The following CRPPA variants were observed in gnomAD, a reference collection of about 807,000 sequenced individuals.
CRPPA encodes D-ribitol-5-phosphate cytidylyltransferase.
A neutral mutation model predicts 52.0 loss-of-function variants in CRPPA; 43 were observed. That is an observed-to-expected ratio of 0.83 (90% CI 0.65 to 1.07). The LOEUF is 1.07. CRPPA is among the 50% of genes least tolerant of loss of function. The pLI is 0.00. For missense variants in CRPPA, 629 were observed against 551.7 expected (o/e 1.14, Z -1.40); for synonymous variants, 250 against 203.5 (o/e 1.23, Z -1.94).
chr7:16,388,092 G>A (rs1258025007), intron 2 of CRPPA, among the ~76,000 whole-genome samples: 2 of 152,060 alleles, frequency 1.3e-5, no homozygotes, highest in Admixed American at 1.3e-4. Flanking sequence ...CAAGCAACCT[G>A]CCAGCCTCAG....
intron 2 of CRPPA, among the ~76,000 whole-genome samples, chr7:16,401,043 G>GACTA (rs1787805208): frequency 6.6e-6 from 1 of 152,164 alleles, no homozygotes; most frequent in South Asian, 2.1e-4. Context: ...ATAGAGGCAT[G>GACTA]ACTAATTCAA....
intron 5 of CRPPA, among the ~76,000 whole-genome samples, chr7:16,301,057 C>A (rs1784780614): frequency 6.6e-6 from 1 of 152,112 alleles, no homozygotes; most frequent in South Asian, 2.1e-4. Context: ...ATCTAATGTA[C>A]CGACACGACA....
In CRPPA at chr7:16,273,531, C is replaced by T. The variant is rs975278728; in HGVS notation, c.933+4598G>A. Among the ~76,000 whole-genome samples, 9 of 152,014 alleles carry T rather than the reference C, an allele frequency of 5.9e-5. No homozygotes were observed. In the East Asian group the frequency reaches 7.8e-4, roughly 13 times the overall value. On this transcript the variant is annotated intron_variant, in intron 6 of 9. Coordinates refer to ENST00000407010, the MANE Select transcript of CRPPA (RefSeq NM_001101426.4). ...GGATAGCCAAACTCCAGGGGAAGAC[C>T]ACCTTTCCACTCCATCCCCTTTCCA...
chr7:16,142,950 A>C (rs562647987), intron 9 of CRPPA, among the ~76,000 whole-genome samples: 1 of 152,374 alleles, frequency 6.6e-6, no homozygotes, highest in African/African-American at 2.4e-5. Context: ...CAAGAACAAA[A>C]TAATTATAGT....
chr7:16,399,710 T>C (rs1029895043), intron 2 of CRPPA, among the ~76,000 whole-genome samples: 9 of 151,238 alleles, frequency 6.0e-5, no homozygotes, highest in East Asian at 5.8e-4. Flanking sequence ...GTGACCAACA[T>C]GACTGACATG....
At chr7:16,317,597 T>A (rs573411224) in intron 3 of CRPPA, among the ~76,000 whole-genome samples, 2 of 152,296 alleles carry the variant, frequency 1.3e-5, no homozygotes, top group Admixed American at 1.3e-4. Context: ...TTATTTCTTT[T>A]GTGGCTAAGT....
At chr7:16,140,015 G>A (rs895853443) in intron 9 of CRPPA, among the ~76,000 whole-genome samples, 1 of 151,100 alleles carries the variant, frequency 6.6e-6, no homozygotes, top group Admixed American at 6.6e-5. Flanking sequence ...TAATATTTCT[G>A]TTAAAAAAAA....
intron 8 of CRPPA, among the ~76,000 whole-genome samples, chr7:16,252,893 G>T (rs1783499820): frequency 6.6e-6 from 1 of 152,286 alleles, no homozygotes; most frequent in South Asian, 2.1e-4. Context: ...TATTTGAGTA[G>T]AGGTGTTCAT....
chr7:16,187,633 G>A (rs949307772), intron 9 of CRPPA, among the ~76,000 whole-genome samples: 3 of 152,136 alleles, frequency 2.0e-5, no homozygotes, highest in African/African-American at 7.2e-5. Flanking sequence ...TGTCCTGAAG[G>A]AAATAAAAAT....
chr7:16,408,125 A>AT (rs1371416711), intron 1 of CRPPA, among the ~76,000 whole-genome samples: 11 of 149,256 alleles, frequency 7.4e-5, no homozygotes, highest in South Asian at 6.3e-4. Context: ...AAAAAAATAA[A>AT]AAAATAACTT....
chr7:16,214,518 G>C (rs1245744728), intron 9 of CRPPA, among the ~76,000 whole-genome samples: 2 of 151,584 alleles, frequency 1.3e-5, no homozygotes, highest in African/African-American at 4.8e-5. Flanking sequence ...TTTTTTTTGA[G>C]ACAGGGCCTC....
intron 9 of CRPPA, among the ~76,000 whole-genome samples, chr7:16,205,469 T>C (rs1011938837): frequency 6.6e-6 from 1 of 152,216 alleles, no homozygotes; most frequent in African/African-American, 2.4e-5. Context: ...GTTGTGTTTA[T>C]GCAGTTGCTT....
chr7:16,184,908 A>T (rs950457801), intron 9 of CRPPA, among the ~76,000 whole-genome samples: 1 of 152,156 alleles, frequency 6.6e-6, no homozygotes, highest in Non-Finnish European at 1.5e-5. Flanking sequence ...ACATCAGCTT[A>T]TTTCACCATT....
intron 8 of CRPPA, among the ~76,000 whole-genome samples, chr7:16,251,827 C>G (rs1355422988): frequency 3.3e-5 from 5 of 151,996 alleles, no homozygotes; most frequent in African/African-American, 1.2e-4. Flanking sequence ...ACTAGAGGAG[C>G]AAGAGCAAAC....
intron 2 of CRPPA, among the ~76,000 whole-genome samples, chr7:16,397,811 C>A (rs537271731): frequency 1.3e-5 from 2 of 152,274 alleles, no homozygotes; most frequent in South Asian, 4.1e-4. Context: ...ACGTGTTTAA[C>A]ATGTGACTGA....
intron 8 of CRPPA, chr7:16,216,471 C>A (rs1308426129): frequency 6.6e-6 from 2 of 302,366 alleles, no homozygotes; most frequent in Non-Finnish European, 1.2e-5. Context: ...CTCCGGTCTA[C>A]AGCTCCCAGC....
At chr7:16,325,326 T>C (rs187379460) in intron 3 of CRPPA, among the ~76,000 whole-genome samples, 146 of 152,238 alleles carry the variant, frequency 9.6e-4, no homozygotes, top group African/African-American at 3.3e-3. Flanking sequence ...GATTAAGCAG[T>C]TGGGAAAATT....
At chr7:16,151,443 ACT>A (rs1783074319) in intron 9 of CRPPA, among the ~76,000 whole-genome samples, 1 of 152,086 alleles carries the variant, frequency 6.6e-6, no homozygotes, top group Non-Finnish European at 1.5e-5. Context: ...AAACAAAGGC[ACT>A]CTGTTCACAG....
intron 9 of CRPPA, among the ~76,000 whole-genome samples, chr7:16,132,060 C>T (rs184598645): frequency 1.4e-4 from 22 of 152,182 alleles, no homozygotes; most frequent in Non-Finnish European, 2.4e-4. Flanking sequence ...GTGGGAATAC[C>T]GAGAGCCTTG....
Sources: gnomAD v4.1 joint callset for allele counts (sites outside exome capture counted in the v4.1 genomes callset) on GRCh38, gnomAD v4.1.1 for gene constraint, MANE v1.5 for transcripts, NCBI Gene and HGNC (gene_info 2026-07-23, HGNC 2026-07-21) for gene names.